Variants in CAMK1D observed in about 807,000 individuals in gnomAD.
The protein encoded by CAMK1D is calcium/calmodulin-dependent protein kinase type 1D.
A neutral mutation model predicts 47.7 loss-of-function variants in CAMK1D; 9 were observed. The ratio of observed to expected loss-of-function variants is 0.19; its 90% CI spans 0.11 to 0.33. The LOEUF is 0.33. Ranked by LOEUF, CAMK1D falls within the 10% of genes least tolerant of loss-of-function variation. The pLI is 1.00. For missense variants in CAMK1D, 291 were observed against 488.7 expected (o/e 0.60, Z 3.81); for synonymous variants, 184 against 184.9 (o/e 0.99, Z 0.04).
At position 12,760,975 on chromosome 10, in the gene CAMK1D, G is replaced by A. The variant is rs1588895422; in HGVS notation, c.327G>A (p.Arg109=). 1 of 1,613,912 alleles carries A rather than the reference G, an allele frequency of 6.2e-7. No homozygotes were observed. The highest frequency in any genetic ancestry group is 1.3e-5 in the African/African-American group (1 of 74,902). Residue 109 remains arginine, a synonymous_variant, in exon 4 of 11, where the codon CGG becomes CGA. Coordinates refer to ENST00000619168, the MANE Select transcript of CAMK1D (RefSeq NM_153498.4). ...QLVSGGELFD[R]IVEKGFYTEK... ...TGTCCGGTGGAGAGCTGTTTGACCG[G>A]ATAGTGGAGAAGGGGTTTTATACAG...
At chr10:12,532,434 T>C (rs893020699) in intron 1 of CAMK1D, among the ~76,000 whole-genome samples, 28 of 152,064 alleles carry the variant, frequency 1.8e-4, no homozygotes, top group Admixed American at 4.6e-4. Flanking sequence ...CGCCCGCCAC[T>C]ACGCCTGGCT....
At chr10:12,490,580 G>A (rs916001592) in intron 1 of CAMK1D, among the ~76,000 whole-genome samples, 5 of 152,218 alleles carry the variant, frequency 3.3e-5, no homozygotes, top group African/African-American at 9.7e-5. Flanking sequence ...TGGGTGCGGC[G>A]GCTCACGCCT....
intron 2 of CAMK1D, among the ~76,000 whole-genome samples, chr10:12,648,104 G>T (rs1407313232): frequency 6.6e-6 from 1 of 152,152 alleles, no homozygotes; most frequent in Non-Finnish European, 1.5e-5. Context: ...TGAATCATTT[G>T]CTGTTTTGAT....
At chr10:12,703,941 T>C (rs1313580456) in intron 3 of CAMK1D, among the ~76,000 whole-genome samples, 1 of 152,030 alleles carries the variant, frequency 6.6e-6, no homozygotes, top group Admixed American at 6.6e-5. Context: ...TAAGCTCTCA[T>C]ATTTATTCAA....
intron 5 of CAMK1D, among the ~76,000 whole-genome samples, chr10:12,772,460 C>T (rs1006129328): frequency 3.3e-5 from 5 of 152,170 alleles, no homozygotes; most frequent in African/African-American, 7.2e-5. Flanking sequence ...CAACCAGTGA[C>T]GGCCCCTAGC....
In CAMK1D at chr10:12,524,861, A is replaced by G. The variant is rs895871682; in HGVS notation, c.93-28364A>G. Reference sequence around the variant, plus strand: ...AAGTTCCAGGTTTTCTTTTGCCATCATTTTCCTTCCACCTGAAGCATTTCC... The same window carrying G: ...AAGTTCCAGGTTTTCTTTTGCCATCGTTTTCCTTCCACCTGAAGCATTTCC... On this transcript the variant is annotated intron_variant, in intron 1 of 10. Coordinates refer to ENST00000619168, the MANE Select transcript of CAMK1D (RefSeq NM_153498.4). Among the ~76,000 whole-genome samples, 5 of 152,178 alleles carry G rather than the reference A, an allele frequency of 3.3e-5. No homozygotes were observed. In the East Asian group the frequency reaches 7.7e-4, roughly 24 times the overall value.
At chr10:12,694,247 A>G (rs1166962554) in intron 3 of CAMK1D, among the ~76,000 whole-genome samples, 1 of 75,748 alleles carries the variant, frequency 1.3e-5, no homozygotes, top group Non-Finnish European at 2.2e-5. Flanking sequence ...TATATAATAT[A>G]TATTATGTAT....
chr10:12,540,882 G>T (rs1459161343), intron 1 of CAMK1D, among the ~76,000 whole-genome samples: 1 of 150,182 alleles, frequency 6.7e-6, no homozygotes, highest in African/African-American at 2.4e-5. Flanking sequence ...GAACTGGTTG[G>T]TCGGGCACTG....
chr10:12,601,185 G>GTTTTTT (rs1564438027), intron 2 of CAMK1D, among the ~76,000 whole-genome samples: 1 of 17,348 alleles, frequency 5.8e-5, no homozygotes. Flanking sequence ...TTTTTTTTTT[G>GTTTTTT]TTTGTTTGTT....
At chr10:12,568,089 TTGCC>T (rs1378125963) in intron 2 of CAMK1D, among the ~76,000 whole-genome samples, 1 of 148,496 alleles carries the variant, frequency 6.7e-6, no homozygotes, top group Non-Finnish European at 1.5e-5. Context: ...CCCTCCCACC[TTGCC>T]TGCCTGTCTG....
chr10:12,511,585 T>G (rs1835041419), intron 1 of CAMK1D, among the ~76,000 whole-genome samples: 1 of 152,214 alleles, frequency 6.6e-6, no homozygotes, highest in Non-Finnish European at 1.5e-5. Context: ...CACTCTAGCC[T>G]GGGCAGCAGA....
At chr10:12,579,232 C>T (rs1349162476) in intron 2 of CAMK1D, among the ~76,000 whole-genome samples, 1 of 152,172 alleles carries the variant, frequency 6.6e-6, no homozygotes, top group African/African-American at 2.4e-5. Flanking sequence ...GAGCATTCCT[C>T]TTCTTGTTCC....
chr10:12,553,444 C>CG (rs1836655450), intron 2 of CAMK1D, 88 bp downstream of exon 2: 4 of 1,161,300 alleles, frequency 3.4e-6, no homozygotes, highest in Admixed American at 1.9e-5. Flanking sequence ...AGACTTTCCC[C>CG]GGGGGCAGAG....
chr10:12,801,659 A>G (rs1321071436), intron 6 of CAMK1D, among the ~76,000 whole-genome samples: 1 of 151,950 alleles, frequency 6.6e-6, no homozygotes, highest in Non-Finnish European at 1.5e-5. Flanking sequence ...TCATCTGTCT[A>G]TCTTCATATC....
At chr10:12,611,054 A>T (rs961191196) in intron 2 of CAMK1D, among the ~76,000 whole-genome samples, 12 of 152,188 alleles carry the variant, frequency 7.9e-5, no homozygotes, top group Non-Finnish European at 1.8e-4. Context: ...TTTATTGATG[A>T]AGAAACTGAG....
chr10:12,788,232 C>A (rs916683435), intron 5 of CAMK1D, among the ~76,000 whole-genome samples: 1 of 152,014 alleles, frequency 6.6e-6, no homozygotes, highest in Non-Finnish European at 1.5e-5. Flanking sequence ...CTCTTGTTGC[C>A]CAGGATGGAG....
intron 6 of CAMK1D, among the ~76,000 whole-genome samples, chr10:12,798,156 C>A (rs1838276343): frequency 1.3e-5 from 2 of 152,344 alleles, no homozygotes; most frequent in Middle Eastern, 3.4e-3. Flanking sequence ...TGGCTTCAGG[C>A]CAGATGGAGA....
chr10:12,485,154 A>G (rs1447363088), intron 1 of CAMK1D, among the ~76,000 whole-genome samples: 1 of 152,226 alleles, frequency 6.6e-6, no homozygotes, highest in Admixed American at 6.5e-5. Flanking sequence ...AGAATGCATT[A>G]GTAAGTGTAA....
At chr10:12,665,229 A>G (rs1029061463) in intron 2 of CAMK1D, among the ~76,000 whole-genome samples, 6 of 152,244 alleles carry the variant, frequency 3.9e-5, no homozygotes, top group Admixed American at 2.0e-4. Context: ...AAACAACTGC[A>G]TTAACTACTA....
Sources: gnomAD v4.1 joint callset for allele counts (sites outside exome capture counted in the v4.1 genomes callset) on GRCh38, gnomAD v4.1.1 for gene constraint, MANE v1.5 for transcripts, NCBI Gene and HGNC (gene_info 2026-07-23, HGNC 2026-07-21) for gene names.